The following BANK1 variants were observed in gnomAD, a reference collection of about 807,000 sequenced individuals.
The protein encoded by BANK1 is B-cell scaffold protein with ankyrin repeats.
In BANK1, 95 loss-of-function variants were observed where a neutral mutation model predicts 94.5. That is an observed-to-expected ratio of 1.00 (90% CI 0.85 to 1.19). The LOEUF (loss-of-function observed/expected upper bound fraction) is 1.19, where lower values mean the gene tolerates loss of function less well. BANK1 is among the 50% of genes most tolerant of loss of function. The pLI is 0.00. For missense variants in BANK1, 987 were observed against 932.2 expected (o/e 1.06, Z -0.77); for synonymous variants, 334 against 308.4 (o/e 1.08, Z -0.87).
chr4:102,050,438 G>A (rs1180824734), intron 11 of BANK1, among the ~76,000 whole-genome samples: 1 of 152,164 alleles, frequency 6.6e-6, no homozygotes, highest in African/African-American at 2.4e-5. Flanking sequence ...CCCTATCTTA[G>A]ATATGGACTA....
chr4:101,830,265 A>G (rs769211595), intron 2 of BANK1, 59 bp downstream of exon 2: 27 of 1,361,854 alleles, frequency 2.0e-5, no homozygotes, highest in Admixed American at 5.4e-5. Context: ...TTTGTAATTA[A>G]AGAATTGCAA....
intron 11 of BANK1, among the ~76,000 whole-genome samples, chr4:102,045,872 G>A (rs977857378): frequency 6.6e-6 from 1 of 151,852 alleles, no homozygotes; most frequent in Non-Finnish European, 1.5e-5. Flanking sequence ...ACTGCCCAAG[G>A]TAATTTATAC....
At chr4:101,828,886 A>C (rs145933153) in intron 1 of BANK1, among the ~76,000 whole-genome samples, 3,417 of 151,652 alleles carry the variant, frequency 0.023, 146 homozygotes, top group South Asian at 0.17. Flanking sequence ...TTTTTGAGAC[A>C]GAGTCTCACT....
chr4:102,024,246 T>G (rs561610069), intron 8 of BANK1, among the ~76,000 whole-genome samples: 1 of 152,294 alleles, frequency 6.6e-6, no homozygotes, highest in East Asian at 1.9e-4. Context: ...TTAGCAACAT[T>G]TTAATACAGC....
chr4:101,957,507 T>C (rs1724388285), intron 7 of BANK1, among the ~76,000 whole-genome samples: 1 of 152,274 alleles, frequency 6.6e-6, no homozygotes, highest in Non-Finnish European at 1.5e-5. Context: ...CCACAAAGAC[T>C]CACAAGCTTA....
chr4:101,926,863 G>C (rs954003841), intron 7 of BANK1, among the ~76,000 whole-genome samples: 3 of 151,782 alleles, frequency 2.0e-5, no homozygotes, highest in Non-Finnish European at 4.4e-5. Flanking sequence ...AAAGGCTCTG[G>C]TAGGATGTGG....
chr4:101,871,628 C>G (rs1728291673), intron 5 of BANK1, among the ~76,000 whole-genome samples: 1 of 152,088 alleles, frequency 6.6e-6, no homozygotes, highest in South Asian at 2.1e-4. Flanking sequence ...AATGGAGAGT[C>G]TGAGGACATT....
At chr4:101,939,883 TATC>T (rs1208742524) in intron 7 of BANK1, among the ~76,000 whole-genome samples, 1 of 151,754 alleles carries the variant, frequency 6.6e-6, no homozygotes, top group African/African-American at 2.4e-5. Flanking sequence ...AATCTTCAAA[TATC>T]ATATTAAAAT....
At chr4:102,045,181 T>C (rs1727838108) in intron 11 of BANK1, among the ~76,000 whole-genome samples, 1 of 152,054 alleles carries the variant, frequency 6.6e-6, no homozygotes, top group African/African-American at 2.4e-5. Context: ...CGTTTAAGCC[T>C]TTAATCCATC....
intron 13 of BANK1, among the ~76,000 whole-genome samples, chr4:102,063,407 C>T (rs1728489353): frequency 6.6e-6 from 1 of 151,204 alleles, no homozygotes; most frequent in African/African-American, 2.4e-5. Flanking sequence ...CATAATGAAC[C>T]AGAGAATATG....
intron 2 of BANK1, among the ~76,000 whole-genome samples, chr4:101,845,019 T>C (rs929999263): frequency 6.6e-6 from 1 of 152,128 alleles, no homozygotes; most frequent in African/African-American, 2.4e-5. Flanking sequence ...GGATCGGATA[T>C]ACTTATATAT....
intron 11 of BANK1, among the ~76,000 whole-genome samples, chr4:102,051,041 G>A (rs1445203486): frequency 6.6e-6 from 1 of 152,092 alleles, no homozygotes; most frequent in Non-Finnish European, 1.5e-5. Flanking sequence ...GAGGTAGTCA[G>A]GCAACATATC....
At chr4:102,025,660 T>A in intron 9 of BANK1, 151 bp downstream of exon 9, 2 of 739,666 alleles carry the variant, frequency 2.7e-6, no homozygotes, top group Non-Finnish European at 4.3e-6. Flanking sequence ...AACTAAGGCC[T>A]GGGAAATGAG....
At chr4:102,058,311 T>G (rs1728297248) in intron 11 of BANK1, among the ~76,000 whole-genome samples, 1 of 152,142 alleles carries the variant, frequency 6.6e-6, no homozygotes, top group Non-Finnish European at 1.5e-5. Context: ...AAGAGAAATT[T>G]TTTAAAAGGA....
At chr4:102,006,546 G>T (rs1009558217) in intron 7 of BANK1, among the ~76,000 whole-genome samples, 7 of 151,986 alleles carry the variant, frequency 4.6e-5, no homozygotes, top group Non-Finnish European at 1.0e-4. Flanking sequence ...TTCCAGGATG[G>T]TGTAAAGTAT....
At chr4:101,986,071 C>T (rs774464318) in intron 7 of BANK1, among the ~76,000 whole-genome samples, 18 of 152,048 alleles carry the variant, frequency 1.2e-4, no homozygotes, top group Non-Finnish European at 2.1e-4. Context: ...CATAGTTCTT[C>T]CCTTGGAGAA....
chr4:101,979,743 G>T (rs1195599791), intron 7 of BANK1, among the ~76,000 whole-genome samples: 1 of 151,704 alleles, frequency 6.6e-6, no homozygotes, highest in Non-Finnish European at 1.5e-5. Flanking sequence ...TGTATATTTT[G>T]ATAGGGACTG....
At chr4:102,057,435 T>G (rs1728268674) in intron 11 of BANK1, among the ~76,000 whole-genome samples, 1 of 151,752 alleles carries the variant, frequency 6.6e-6, no homozygotes, top group African/African-American at 2.4e-5. Context: ...CTCAGCTCAC[T>G]GCAGCCTTGA....
chr4:102,002,065 CAT>C (rs2148936971), intron 7 of BANK1, among the ~76,000 whole-genome samples: 1 of 152,324 alleles, frequency 6.6e-6, no homozygotes, highest in East Asian at 1.9e-4. Context: ...GGCTTCATGC[CAT>C]ATAAACATAG....
Sources: allele counts gnomAD v4.1 joint callset (sites outside exome capture counted in the v4.1 genomes callset), GRCh38; gene constraint gnomAD v4.1.1; transcripts MANE v1.5; gene names NCBI Gene and HGNC (gene_info 2026-07-23, HGNC 2026-07-21).